Variants in CREB5 observed in about 807,000 individuals in gnomAD.
CREB5 encodes the protein cAMP responsive element binding protein 5.
A neutral mutation model predicts 57.1 loss-of-function variants in CREB5; 19 were observed. The observed-to-expected ratio is 0.33, with a 90% confidence interval of 0.23 to 0.49. CREB5 has a LOEUF of 0.49. CREB5 is among the 20% of genes least tolerant of loss of function. CREB5 has a pLI of 0.99. For synonymous variants in CREB5, 238 were observed against 238.3 expected, an observed-to-expected ratio of 1.00 and a Z score of 0.01; for missense variants, 579 against 671.6, an observed-to-expected ratio of 0.86 and a Z score of 1.52.
intron 7 of CREB5, among the ~76,000 whole-genome samples, chr7:28,800,831 C>T (rs1808321386): frequency 6.6e-6 from 1 of 152,186 alleles, no homozygotes; most frequent in African/African-American, 2.4e-5. Context: ...GCGCTTTCTG[C>T]TTTTCCTTTT....
intron 1 of CREB5, among the ~76,000 whole-genome samples, chr7:28,331,280 G>A (rs1482412241): frequency 2.6e-5 from 4 of 151,876 alleles, no homozygotes; most frequent in African/African-American, 9.7e-5. Context: ...ATAGTTTGGT[G>A]TTCCTAAGAC....
intron 1 of CREB5, among the ~76,000 whole-genome samples, chr7:28,378,284 T>A (rs939048952): frequency 6.5e-5 from 7 of 108,074 alleles, no homozygotes; most frequent in Non-Finnish European, 1.3e-4. Context: ...TACAGTCACT[T>A]TCAACTCCTG....
At chr7:28,737,499 CTCTCTCTGTG>C (rs1487141598) in intron 7 of CREB5, among the ~76,000 whole-genome samples, 1 of 144,570 alleles carries the variant, frequency 6.9e-6, no homozygotes, top group African/African-American at 2.6e-5. Flanking sequence ...CTCTCTCTCT[CTCTCTCTGTG>C]TGTGTGTGTG....
intron 1 of CREB5, among the ~76,000 whole-genome samples, chr7:28,458,573 G>A (rs935546889): frequency 4.6e-5 from 7 of 152,216 alleles, no homozygotes; most frequent in Non-Finnish European, 8.8e-5. Context: ...AAAGGGCTGT[G>A]TCAAGAGAGG....
At position 28,491,319 on chromosome 7, in the gene CREB5, C is replaced by T. The variant is rs907671810; in HGVS notation, c.75+3073C>T. On this transcript the variant is annotated intron_variant, in intron 2 of 10. Transcript: ENST00000357727. ...CAGAAGATAAAGGGTGTAGACAAAC[C>T]TGGGGAGGAGTGGGGGTGCCAATTC... 3 of 925,608 alleles carry T rather than the reference C, an allele frequency of 3.2e-6. No individual in the cohort carries two copies. The South Asian group carries it at 1.5e-4, about 46-fold the overall frequency. 57.3% of individuals were successfully genotyped at this position (925,608 alleles called of 1,614,324 possible). A position where few individuals can be genotyped will look rare whatever the true frequency, so the allele number is the denominator to read the frequency against.
intron 5 of CREB5, among the ~76,000 whole-genome samples, chr7:28,710,808 GC>G (rs1292001402): frequency 6.6e-6 from 1 of 152,130 alleles, no homozygotes; most frequent in Non-Finnish European, 1.5e-5. Flanking sequence ...CGTGCACCAA[GC>G]CTGACACATA....
intron 7 of CREB5, among the ~76,000 whole-genome samples, chr7:28,743,408 C>T (rs1185767548): frequency 2.0e-5 from 3 of 152,116 alleles, no homozygotes; most frequent in Non-Finnish European, 2.9e-5. Flanking sequence ...TGGTGTGCAC[C>T]TGTAGTCCCA....
chr7:28,591,056 C>T (rs1583675707), intron 5 of CREB5, among the ~76,000 whole-genome samples: 1 of 152,192 alleles, frequency 6.6e-6, no homozygotes, highest in East Asian at 1.9e-4. Flanking sequence ...CTGTTCCCCA[C>T]TGTTTTAATA....
At position 28,306,546 on chromosome 7, in the gene CREB5, G is replaced by GTTT. The variant is rs796910262; in HGVS notation, c.-25+7111_-25+7113dup. On this transcript the variant is annotated intron_variant, in intron 1 of 9. Transcript: ENST00000396299. ...TGCCAGTACATACAGATACAGTTTT[G>GTTT]TTTTTTTTGTTTTTTTTTTTTTTTT... 5.9e-4 allele frequency among the ~76,000 whole-genome samples: 55 copies of GTTT among 93,510 alleles called. 1 individual carries two copies. The highest frequency in any genetic ancestry group is 1.8e-3 in the African/African-American group (37 of 20,046). 61.3% of individuals were successfully genotyped at this position (93,510 alleles called of 152,430 possible).
chr7:28,518,298 C>T (rs1341878999), intron 4 of CREB5, among the ~76,000 whole-genome samples: 1 of 152,166 alleles, frequency 6.6e-6, no homozygotes, highest in East Asian at 1.9e-4. Context: ...TCAGGCTCTG[C>T]AAGCAGTCAC....
chr7:28,363,907 C>T (rs1408695765), intron 1 of CREB5, among the ~76,000 whole-genome samples: 2 of 152,162 alleles, frequency 1.3e-5, no homozygotes, highest in Admixed American at 6.6e-5. Flanking sequence ...CATTGATATG[C>T]ATTATTTCTG....
At chr7:28,658,955 A>G (rs73684243) in intron 5 of CREB5, among the ~76,000 whole-genome samples, 1,470 of 47,320 alleles carry the variant, frequency 0.031, 58 homozygotes, top group African/African-American at 0.14. Context: ...GTGTGTGTGT[A>G]TATATATATA....
chr7:28,595,080 T>C (rs1181256432), intron 5 of CREB5, among the ~76,000 whole-genome samples: 1 of 152,190 alleles, frequency 6.6e-6, no homozygotes, highest in Non-Finnish European at 1.5e-5. Flanking sequence ...TGTGTTTTCC[T>C]CTATGCCTGC....
At chr7:28,742,064 TAA>T (rs58431827) in intron 7 of CREB5, among the ~76,000 whole-genome samples, 525 of 111,358 alleles carry the variant, frequency 4.7e-3, no homozygotes, top group South Asian at 8.4e-3. Flanking sequence ...AGATTCCCTC[TAA>T]AAAAAAAAAA....
intron 4 of CREB5, chr7:28,513,547 A>G (rs2128610461): frequency 7.1e-6 from 1 of 141,740 alleles, no homozygotes; most frequent in Non-Finnish European, 1.5e-5. Context: ...TGAAAACCCT[A>G]AGGCTTATAT....
At chr7:28,601,450 A>C (rs999102323) in intron 5 of CREB5, among the ~76,000 whole-genome samples, 7 of 152,164 alleles carry the variant, frequency 4.6e-5, no homozygotes, top group Non-Finnish European at 1.0e-4. Flanking sequence ...AATCCCGAAC[A>C]CACCATCTGC....
chr7:28,579,456 C>G (rs1289568251), intron 5 of CREB5, among the ~76,000 whole-genome samples: 10 of 152,018 alleles, frequency 6.6e-5, no homozygotes, highest in African/African-American at 2.4e-4. Context: ...AGTTTTCCCC[C>G]CTTTGGCAAA....
intron 4 of CREB5, among the ~76,000 whole-genome samples, chr7:28,538,702 C>A (rs1000308507): frequency 1.3e-5 from 2 of 152,054 alleles, no homozygotes; most frequent in African/African-American, 4.8e-5. Flanking sequence ...GATTTTCAGC[C>A]ACTTTTCCTT....
At chr7:28,479,684 T>C (rs939677700) in intron 1 of CREB5, among the ~76,000 whole-genome samples, 6 of 152,182 alleles carry the variant, frequency 3.9e-5, no homozygotes, top group Admixed American at 3.9e-4. Context: ...TACTTTAGAA[T>C]ACAACCTGGG....
Sources: allele counts gnomAD v4.1 joint callset (sites outside exome capture counted in the v4.1 genomes callset), GRCh38; gene constraint gnomAD v4.1.1; transcripts MANE v1.5; gene names NCBI Gene and HGNC (gene_info 2026-07-23, HGNC 2026-07-21).